Variants in MCTP1 observed in about 807,000 individuals in gnomAD.
MCTP1 encodes multiple C2 and transmembrane domain-containing protein 1.
Under a neutral mutation model 120.6 loss-of-function variants are expected in MCTP1, and 69 were observed. That is an observed-to-expected ratio of 0.57 (90% confidence interval 0.47 to 0.70). The LOEUF is 0.70. MCTP1 is among the 30% of genes least tolerant of loss of function. The pLI is 0.00. For missense variants in MCTP1, 1,203 were observed against 1,248.8 expected (o/e 0.96, Z 0.55); for synonymous variants, 529 against 493.1 (o/e 1.07, Z -0.96).
chr5:94,836,559 T>A lies in MCTP1; in HGVS notation c.2436+31774A>T, dbSNP rs1294502668. Among the ~76,000 whole-genome samples the A allele has an allele frequency of 2.6e-5, 4 of 152,124 alleles. No individual in the cohort carries two copies. The East Asian group carries it at 5.8e-4, about 22-fold the overall frequency. On this transcript the variant is annotated intron_variant, in intron 17 of 22. Transcript: ENST00000515393. The stretch of plus-strand genomic sequence containing the variant: ...AGATTCTTTATAAAGATACTTGGGG[T>A]TGAGATTTAATGCTGGAAGATTTAT...
intron 1 of MCTP1, among the ~76,000 whole-genome samples, chr5:95,119,119 C>G (rs138506569): frequency 2.6e-5 from 4 of 152,288 alleles, no homozygotes; most frequent in African/African-American, 9.6e-5. Context: ...TTCTCAAAGA[C>G]AGACCATATG....
chr5:94,758,025 G>A (rs1196515158), intron 19 of MCTP1, among the ~76,000 whole-genome samples: 1 of 152,092 alleles, frequency 6.6e-6, no homozygotes, highest in East Asian at 1.9e-4. Flanking sequence ...TATAGATGGA[G>A]GCCTCAAAAG....
chr5:95,163,264 GACAAGGCCTCAGTTCCCA>G (rs1260827693), intron 1 of MCTP1, among the ~76,000 whole-genome samples: 1 of 152,196 alleles, frequency 6.6e-6, no homozygotes, highest in Non-Finnish European at 1.5e-5. Flanking sequence ...CTGTTGAATA[GACAAGGCCTCAGTTCCCA>G]AGGTGACAGA....
chr5:95,044,222 G>C (rs1274716030), intron 1 of MCTP1, among the ~76,000 whole-genome samples: 2 of 152,212 alleles, frequency 1.3e-5, no homozygotes. Context: ...AGAGAGAGGA[G>C]AATGGAAGAA....
intron 3 of MCTP1, among the ~76,000 whole-genome samples, chr5:94,947,603 GAGAGAGAGAGAGAGAGAGAA>G (rs1167358545): frequency 6.7e-5 from 7 of 104,476 alleles, no homozygotes; most frequent in African/African-American, 2.1e-4. Flanking sequence ...GAGAGAGAGA[GAGAGAGAGAGAGAGAGAGAA>G]AGAGAGACAG....
chr5:95,267,928 C>G (rs1394791777), intron 1 of MCTP1, among the ~76,000 whole-genome samples: 1 of 152,240 alleles, frequency 6.6e-6, no homozygotes, highest in African/African-American at 2.4e-5. Flanking sequence ...TCCTTCTGCC[C>G]AGAACTGTCT....
intron 6 of MCTP1, 126 bp from the exon 7 acceptor site, chr5:94,924,147 G>T (rs1330151013): frequency 2.1e-6 from 1 of 478,578 alleles, no homozygotes; most frequent in South Asian, 5.6e-5. Flanking sequence ...AGATACTTGG[G>T]ATATTTAGAA....
chr5:95,043,995 T>A (rs1842765811), intron 1 of MCTP1, among the ~76,000 whole-genome samples: 1 of 152,170 alleles, frequency 6.6e-6, no homozygotes, highest in South Asian at 2.1e-4. Flanking sequence ...TAGCTAGATT[T>A]TTTTCTGTGC....
intron 17 of MCTP1, chr5:94,868,127 A>G (rs1195879680): frequency 7.7e-6 from 3 of 387,334 alleles, no homozygotes; most frequent in African/African-American, 6.3e-5. Flanking sequence ...GCGTTCCGGA[A>G]ATCTGAGGGG....
chr5:94,800,546 G>T (rs1006731163), intron 17 of MCTP1, among the ~76,000 whole-genome samples: 3 of 152,154 alleles, frequency 2.0e-5, no homozygotes, highest in African/African-American at 7.2e-5. Flanking sequence ...GAGACTCCTG[G>T]CCTCAGGGCC....
rs1231629245 is a variant in MCTP1, at chr5:94,706,679, T to C, written c.*817A>G. On this transcript the variant is annotated 3_prime_UTR_variant, in exon 23 of 23. Transcript: ENST00000515393. ...GCGATATGGATATAGTTTCCTAGTATTTTTGATAACTGTACTTACTGGGTT... is the reference window on the plus strand; with the variant it reads ...GCGATATGGATATAGTTTCCTAGTACTTTTGATAACTGTACTTACTGGGTT... 6.6e-6 allele frequency: 1 copy of C among 151,748 alleles called. No individual in the cohort carries two copies. Among genetic ancestry groups the C allele is most frequent in the East Asian group, 1.9e-4 (1 of 5,154 alleles). The allele number at this position is 151,748 out of a possible 1,614,324, so 9.4% of individuals were successfully genotyped here.
intron 8 of MCTP1, among the ~76,000 whole-genome samples, chr5:94,916,883 C>CT: frequency 6.6e-6 from 1 of 152,336 alleles, no homozygotes; most frequent in Non-Finnish European, 1.5e-5. Flanking sequence ...AGGATTCTTG[C>CT]TTTGAAAGTT....
intron 1 of MCTP1, among the ~76,000 whole-genome samples, chr5:95,046,323 C>T (rs1178219647): frequency 6.6e-6 from 1 of 152,158 alleles, no homozygotes; most frequent in Non-Finnish European, 1.5e-5. Context: ...CTATGGTCAA[C>T]TAAATGAATG....
intron 19 of MCTP1, among the ~76,000 whole-genome samples, chr5:94,747,087 C>A (rs938419112): frequency 6.6e-6 from 1 of 152,082 alleles, no homozygotes; most frequent in Non-Finnish European, 1.5e-5. Context: ...TTGCCTTTAT[C>A]CATATCTTCT....
At chr5:95,168,641 T>C (rs1197367041) in intron 1 of MCTP1, among the ~76,000 whole-genome samples, 1 of 152,234 alleles carries the variant, frequency 6.6e-6, no homozygotes, top group South Asian at 2.1e-4. Context: ...GATTCCTAGG[T>C]ATTTTATTCT....
At chr5:95,265,568 G>A (rs549042816) in intron 1 of MCTP1, among the ~76,000 whole-genome samples, 3 of 152,302 alleles carry the variant, frequency 2.0e-5, no homozygotes, top group African/African-American at 7.2e-5. Context: ...TCAATGAGAA[G>A]AAGTGAACAG....
At chr5:94,929,543 A>C in intron 6 of MCTP1, 1 of 665,826 alleles carries the variant, frequency 1.5e-6, no homozygotes, top group South Asian at 6.7e-5. Flanking sequence ...AATTTTTAAG[A>C]AGATTGAAAT....
At chr5:95,250,674 G>A (rs1028542477) in intron 1 of MCTP1, among the ~76,000 whole-genome samples, 5 of 152,134 alleles carry the variant, frequency 3.3e-5, no homozygotes, top group Admixed American at 6.6e-5. Context: ...AAATGGAAGC[G>A]TTCTTGAGTA....
chr5:94,818,503 C>T (rs7727729), intron 17 of MCTP1, among the ~76,000 whole-genome samples: 10,503 of 152,190 alleles, frequency 0.069, 497 homozygotes, highest in East Asian at 0.26. Context: ...TTCTCGAACA[C>T]CATCAACAGG....
Sources: gnomAD v4.1 joint callset for allele counts (sites outside exome capture counted in the v4.1 genomes callset) on GRCh38, gnomAD v4.1.1 for gene constraint, MANE v1.5 for transcripts, NCBI Gene and HGNC (gene_info 2026-07-23, HGNC 2026-07-21) for gene names.